ATP6V0D2: variants seen among roughly 807,000 people sequenced by gnomAD.
ATP6V0D2 encodes ATPase H+ transporting V0 subunit d2.
In ATP6V0D2, 40 loss-of-function variants were observed where a neutral mutation model predicts 40.0. The ratio of observed to expected loss-of-function variants is 1.00; its 90% CI spans 0.78 to 1.30. The LOEUF is 1.30. Ranked by LOEUF, ATP6V0D2 falls within the 50% of genes most tolerant of loss-of-function variation. The pLI, the probability that ATP6V0D2 is intolerant of heterozygous loss-of-function variation, is 0.00. For synonymous variants in ATP6V0D2, 179 were observed against 156.3 expected, an observed-to-expected ratio of 1.15 and a Z score of -1.08; for missense variants, 470 against 423.1, an observed-to-expected ratio of 1.11 and a Z score of -0.97.
intron 1 of ATP6V0D2, among the ~76,000 whole-genome samples, chr8:86,106,658 C>T (rs1188004152): frequency 6.6e-6 from 1 of 152,034 alleles, no homozygotes; most frequent in African/African-American, 2.4e-5. Flanking sequence ...GATATGAATC[C>T]ATTTAGTTTA....
intron 2 of ATP6V0D2, among the ~76,000 whole-genome samples, chr8:86,133,537 G>T (rs539830046): frequency 5.2e-4 from 79 of 151,770 alleles, no homozygotes; most frequent in South Asian, 3.1e-3. Flanking sequence ...TGGCCAAGCT[G>T]GTCTTGAACT....
chr8:86,102,283 C>A (rs554792249), intron 1 of ATP6V0D2, among the ~76,000 whole-genome samples: 2 of 152,104 alleles, frequency 1.3e-5, no homozygotes, highest in Non-Finnish European at 2.9e-5. Flanking sequence ...TGTGAATGTA[C>A]TTAAGGAGAC....
chr8:86,106,170 C>T (rs1341706440), intron 1 of ATP6V0D2, among the ~76,000 whole-genome samples: 2 of 151,486 alleles, frequency 1.3e-5, no homozygotes, highest in Admixed American at 6.6e-5. Context: ...GTTGCCCAAG[C>T]CAGGGAATGC....
intron 1 of ATP6V0D2, among the ~76,000 whole-genome samples, chr8:86,112,580 A>C (rs1818539472): frequency 6.6e-6 from 1 of 152,190 alleles, no homozygotes; most frequent in African/African-American, 2.4e-5. Flanking sequence ...ATAAGCACTC[A>C]ATCACTGGTA....
chr8:86,136,066 G>A (rs1267865536), intron 2 of ATP6V0D2, among the ~76,000 whole-genome samples: 3 of 152,122 alleles, frequency 2.0e-5, no homozygotes, highest in African/African-American at 7.2e-5. Context: ...GCCCCTCATT[G>A]TGGGCCAAGC....
intron 5 of ATP6V0D2, among the ~76,000 whole-genome samples, chr8:86,144,302 A>C (rs1216756599): frequency 1.3e-5 from 2 of 152,184 alleles, no homozygotes; most frequent in South Asian, 2.1e-4. Flanking sequence ...TTCCTAATTC[A>C]CTTAAAAAGA....
intron 2 of ATP6V0D2, among the ~76,000 whole-genome samples, chr8:86,127,667 G>A (rs372966837): frequency 6.6e-5 from 10 of 152,106 alleles, no homozygotes; most frequent in South Asian, 2.1e-4. Flanking sequence ...CAAGCGATCC[G>A]CCTGCCTTGG....
intron 1 of ATP6V0D2, among the ~76,000 whole-genome samples, chr8:86,102,527 C>T (rs1399582402): frequency 2.0e-5 from 3 of 152,166 alleles, no homozygotes; most frequent in East Asian, 1.9e-4. Context: ...TTTAAGTCAT[C>T]TGGTCTTTAA....
chr8:86,101,970 G>C (rs1296623780), intron 1 of ATP6V0D2, among the ~76,000 whole-genome samples: 2 of 152,160 alleles, frequency 1.3e-5, no homozygotes, highest in Non-Finnish European at 2.9e-5. Context: ...TATCATGACT[G>C]CTGAGAAAAC....
At position 86,150,128 on chromosome 8, in the gene ATP6V0D2, G is replaced by T; in HGVS notation, c.656G>T (p.Arg219Leu). The change falls in exon 6 of 8, where the codon CGT becomes CTT. Residue 219 changes from arginine (R) to leucine (L), a missense_variant. By Grantham distance (102) the Arg-to-Leu change is moderately radical. Coordinates refer to ENST00000285393, the MANE Select transcript of ATP6V0D2 (RefSeq NM_152565.1). ...CPILEFEADRRAFIITLNSFG... is the reference protein window; with the variant it reads ...CPILEFEADRLAFIITLNSFG... The stretch of plus-strand genomic sequence containing the variant: ...CAAATTCAGTTTGAGGCCGACAGAC[G>T]TGCTTTTATCATCACTCTTAACTCC... The T allele has an allele frequency of 1.9e-6, 3 of 1,612,482 alleles. No individual in the cohort carries two copies. Among genetic ancestry groups the T allele is most frequent in the Non-Finnish European group, 2.5e-6 (3 of 1,179,372 alleles).
At chr8:86,126,729 T>C (rs1210603466) in intron 2 of ATP6V0D2, among the ~76,000 whole-genome samples, 2 of 152,032 alleles carry the variant, frequency 1.3e-5, no homozygotes, top group African/African-American at 4.8e-5. Context: ...TCATGAAAAA[T>C]ATGATACTAG....
intron 1 of ATP6V0D2, among the ~76,000 whole-genome samples, chr8:86,113,380 G>T (rs1475055607): frequency 1.3e-4 from 20 of 152,124 alleles, no homozygotes; most frequent in Admixed American, 1.3e-3. Context: ...TACTTGGGAG[G>T]CTGAAGCAGG....
At chr8:86,142,389 C>T (rs1818987089) in intron 4 of ATP6V0D2, among the ~76,000 whole-genome samples, 1 of 152,168 alleles carries the variant, frequency 6.6e-6, no homozygotes. Context: ...GCCAAGGTTT[C>T]TTTGGAAGAA....
At chr8:86,118,571 G>A (rs1003370736) in intron 2 of ATP6V0D2, among the ~76,000 whole-genome samples, 2 of 152,086 alleles carry the variant, frequency 1.3e-5, no homozygotes. Flanking sequence ...GCTTTGGGCT[G>A]AGTCAGATCC....
intron 5 of ATP6V0D2, among the ~76,000 whole-genome samples, chr8:86,147,337 T>A (rs1819084688): frequency 6.6e-6 from 1 of 152,182 alleles, no homozygotes; most frequent in African/African-American, 2.4e-5. Flanking sequence ...AGTAAACAGT[T>A]CATTGCTATC....
At chr8:86,140,982 G>T (rs764441108) in intron 3 of ATP6V0D2, among the ~76,000 whole-genome samples, 1 of 152,104 alleles carries the variant, frequency 6.6e-6, no homozygotes, top group Non-Finnish European at 1.5e-5. Context: ...AGATCATCAG[G>T]CATTAGACTC....
Position 86,141,506 on chromosome 8 carries a change from T to C in ATP6V0D2, c.538T>C (p.Leu180=). 6.2e-7 allele frequency: 1 copy of C among 1,608,416 alleles called. No homozygotes were observed. The highest frequency in any genetic ancestry group is 8.5e-7 in the Non-Finnish European group (1 of 1,176,368). ...TGCTCTAGATGAACTGAATATTGAA[T>C]TGCTACGCAATAAACTATACAAGGT... is the stretch of plus-strand genomic sequence containing the variant. ...ENALDELNIE[L]LRNKLYKSYL... Residue 180 remains leucine, a synonymous_variant, in exon 4 of 8, where the codon TTG becomes CTG. Transcript: ENST00000285393.
intron 4 of ATP6V0D2, 147 bp from the exon 5 acceptor site, chr8:86,142,730 T>A: frequency 2.0e-6 from 1 of 509,358 alleles, no homozygotes; most frequent in Non-Finnish European, 3.4e-6. Flanking sequence ...TGAAAGCTTC[T>A]ACCAAATTTA....
chr8:86,106,381 C>T (rs1385506809), intron 1 of ATP6V0D2, among the ~76,000 whole-genome samples: 3 of 152,120 alleles, frequency 2.0e-5, no homozygotes. Context: ...AATCCTCCTG[C>T]TTCAGCCTCC....
Sources: gnomAD v4.1 joint callset for allele counts (sites outside exome capture counted in the v4.1 genomes callset) on GRCh38, gnomAD v4.1.1 for gene constraint, MANE v1.5 for transcripts, NCBI Gene and HGNC (gene_info 2026-07-23, HGNC 2026-07-21) for gene names.